Variants in AGO3 observed in about 807,000 individuals in gnomAD.
AGO3 encodes protein argonaute-3.
In AGO3, 16 loss-of-function variants were observed where a neutral mutation model predicts 105.5. The ratio of observed to expected loss-of-function variants is 0.15; its 90% CI spans 0.10 to 0.23. The LOEUF is 0.23. AGO3 is among the 10% of genes least tolerant of loss of function. The pLI is 1.00. For synonymous variants in AGO3, 340 were observed against 367.3 expected (o/e 0.93, Z 0.85); for missense variants, 534 against 1,088.0 (o/e 0.49, Z 7.16).
Position 35,931,379 on chromosome 1 carries a change from C to G in AGO3, c.-48C>G. 1 of 1,379,610 alleles carries G rather than the reference C, an allele frequency of 7.2e-7. No individual in the cohort carries two copies. Among genetic ancestry groups the G allele is most frequent in the Non-Finnish European group, 9.4e-7 (1 of 1,060,722 alleles). The allele number at this position is 1,379,610 out of a possible 1,614,324, so 85.5% of individuals were successfully genotyped here. A position where few individuals can be genotyped will look rare whatever the true frequency, so the allele number is the denominator to read the frequency against. ...GCCCCCCGGGCCGCCTCCTTGCCGC[C>G]AGTGGCGGGCTCCGTTCTCCCTCGA... On this transcript the variant is annotated 5_prime_UTR_variant, in exon 1 of 19. Coordinates refer to ENST00000373191, the MANE Select transcript of AGO3 (RefSeq NM_024852.4).
intron 6 of AGO3, among the ~76,000 whole-genome samples, chr1:36,004,858 T>G (rs182393141): frequency 1.4e-3 from 217 of 152,256 alleles, no homozygotes; most frequent in Middle Eastern, 3.4e-3. Context: ...AATGACTTCC[T>G]TATTTTTCTG....
chr1:35,947,492 G>C (rs995492989), intron 2 of AGO3, among the ~76,000 whole-genome samples: 2 of 152,124 alleles, frequency 1.3e-5, no homozygotes, highest in Non-Finnish European at 2.9e-5. Flanking sequence ...CCTTTCTCCA[G>C]TATAACCCCT....
chr1:35,999,786 A>G (rs969937029), intron 5 of AGO3, among the ~76,000 whole-genome samples: 14 of 152,222 alleles, frequency 9.2e-5, no homozygotes, highest in Admixed American at 5.2e-4. Context: ...TATGCACACA[A>G]TTAATGTTGT....
At chr1:36,004,137 A>G (rs1218561144) in intron 5 of AGO3, 1 of 443,588 alleles carries the variant, frequency 2.3e-6, no homozygotes. Flanking sequence ...AAAGAGATAG[A>G]TTATAAAAAC....
chr1:35,943,008 T>C (rs1453792042), intron 1 of AGO3, among the ~76,000 whole-genome samples: 1 of 152,054 alleles, frequency 6.6e-6, no homozygotes, highest in Non-Finnish European at 1.5e-5. Context: ...TGACTGGTTT[T>C]GTTTTTTTTT....
chr1:35,945,650 G>T, intron 1 of AGO3, 42 bp from the exon 2 acceptor site: 1 of 1,597,374 alleles, frequency 6.3e-7, no homozygotes, highest in Non-Finnish European at 8.5e-7. Context: ...TTGGAATACA[G>T]CTTGTAACTG....
rs1481492815 is a variant in AGO3 at position 36,008,018 on chromosome 1, A to G, written c.794-672A>G. 6.6e-6 allele frequency among the ~76,000 whole-genome samples: 1 copy of G among 152,196 alleles called. No individual in the cohort carries two copies. Among genetic ancestry groups the G allele is most frequent in the Non-Finnish European group, 1.5e-5 (1 of 68,032 alleles). On this transcript the variant is annotated intron_variant, in intron 6 of 18. Coordinates refer to ENST00000373191, the MANE Select transcript of AGO3 (RefSeq NM_024852.4). This position sits in a 1 kb window ranked among gnomAD's most constrained non-coding sequence, Gnocchi z 5.1. ...TATATGTGCATTTTGCTGAGAGTTTATTGCTTACATCAGATTCTCAAAGGG... is the reference window on the plus strand; with the variant it reads ...TATATGTGCATTTTGCTGAGAGTTTGTTGCTTACATCAGATTCTCAAAGGG...
At chr1:36,031,897 T>TG (rs1244160683) in intron 12 of AGO3, among the ~76,000 whole-genome samples, 73 of 136,334 alleles carry the variant, frequency 5.4e-4, no homozygotes, top group African/African-American at 1.8e-3. Context: ...TATGTGTGTG[T>TG]GGGGGGGCGG....
chr1:35,960,479 C>T (rs1246295646), intron 2 of AGO3, among the ~76,000 whole-genome samples: 1 of 150,184 alleles, frequency 6.7e-6, no homozygotes, highest in Non-Finnish European at 1.5e-5. Flanking sequence ...GACCTGGTCT[C>T]AAAAAAAAAT....
intron 5 of AGO3, among the ~76,000 whole-genome samples, chr1:36,003,694 C>CA (rs1209511459): frequency 0.04 from 2,106 of 53,306 alleles, 88 homozygotes; most frequent in South Asian, 0.047. Flanking sequence ...AAGTCTGTCT[C>CA]AAAAAAAAAA....
chr1:36,001,942 TAAA>T (rs1640104020), intron 5 of AGO3, among the ~76,000 whole-genome samples: 2 of 152,124 alleles, frequency 1.3e-5, no homozygotes, highest in Non-Finnish European at 2.9e-5. Flanking sequence ...AATAAAGAAG[TAAA>T]AAACAATATG....
intron 2 of AGO3, among the ~76,000 whole-genome samples, chr1:35,949,805 C>T (rs1646436158): frequency 1.3e-5 from 2 of 152,074 alleles, no homozygotes; most frequent in African/African-American, 4.8e-5. Flanking sequence ...TTTTTATTTG[C>T]AGGAGACGAG....
At chr1:35,939,126 A>C (rs899171703) in intron 1 of AGO3, among the ~76,000 whole-genome samples, 3 of 152,228 alleles carry the variant, frequency 2.0e-5, no homozygotes, top group Non-Finnish European at 4.4e-5. Context: ...TTGTTAAATA[A>C]CTAAAATATG....
In AGO3 at chr1:36,043,439, A is replaced by G. The variant is rs1309308928; in HGVS notation, c.2173-8A>G. The G allele has an allele frequency of 1.2e-6, 2 of 1,609,582 alleles. No individual in the cohort carries two copies. The highest frequency in any genetic ancestry group is 1.1e-5 in the South Asian group (1 of 90,236). On this transcript the variant is annotated splice_polypyrimidine_tract_variant and splice_region_variant and intron_variant, in intron 16 of 18. Coordinates refer to ENST00000373191, the MANE Select transcript of AGO3 (RefSeq NM_024852.4). The stretch of plus-strand genomic sequence containing the variant: ...TTGTTTGTTTAAACTTTAACCAAAC[A>G]AATCTAGGTTGGAAGAAGTGGCAAT...
At chr1:36,003,000 G>T (rs183842790) in intron 5 of AGO3, among the ~76,000 whole-genome samples, 11 of 152,118 alleles carry the variant, frequency 7.2e-5, no homozygotes, top group East Asian at 3.9e-4. Context: ...GAACCTGGGA[G>T]GGGGAGGTTG....
chr1:35,956,508 A>G (rs1384285850), intron 2 of AGO3, among the ~76,000 whole-genome samples: 1 of 152,200 alleles, frequency 6.6e-6, no homozygotes, highest in African/African-American at 2.4e-5. Flanking sequence ...AACTGAGACT[A>G]GATCTCTGAG....
intron 12 of AGO3, among the ~76,000 whole-genome samples, chr1:36,032,376 G>A (rs1353443148): frequency 6.6e-6 from 1 of 152,046 alleles, no homozygotes; most frequent in African/African-American, 2.4e-5. Context: ...AGAGAAATGT[G>A]TATTGTCATT....
At chr1:35,969,471 T>G (rs1463197002) in intron 3 of AGO3, among the ~76,000 whole-genome samples, 2 of 152,158 alleles carry the variant, frequency 1.3e-5, no homozygotes, top group Non-Finnish European at 2.9e-5. Flanking sequence ...GGTGATTTTC[T>G]AATTCTGTCA....
chr1:36,021,800 G>C (rs923515903), intron 11 of AGO3, among the ~76,000 whole-genome samples: 1 of 152,028 alleles, frequency 6.6e-6, no homozygotes, highest in African/African-American at 2.4e-5. Flanking sequence ...TTTATTATTT[G>C]ATAGAGAGGA....
Sources: gnomAD v4.1 joint callset for allele counts (sites outside exome capture counted in the v4.1 genomes callset) on GRCh38, gnomAD v4.1.1 for gene constraint, Gnocchi (gnomAD v3.1) non-coding constraint, MANE v1.5 for transcripts, NCBI Gene and HGNC (gene_info 2026-07-23, HGNC 2026-07-21) for gene names.